PUDP: variants seen among roughly 807,000 people sequenced by gnomAD.
The protein encoded by PUDP is pseudouridine 5'-phosphatase, also known as pseudouridine-5'-phosphatase.
In PUDP, 8 loss-of-function variants were observed where a neutral mutation model predicts 9.4. The observed-to-expected ratio is 0.85, with a 90% CI of 0.50 to 1.53. The LOEUF is 1.53. Ranked by LOEUF, PUDP falls within the 40% of genes most tolerant of loss-of-function variation. The probability of loss-of-function intolerance (pLI) is 0.00; values close to 1 mark genes in which losing one functional copy is unlikely to be tolerated. For missense variants in PUDP, 188 were observed against 189.7 expected (o/e 0.99, Z 0.05); for synonymous variants, 99 against 80.7 (o/e 1.23, Z -1.22).
At chrX:7,007,599 C>T (rs1321807933) in intron 1 of PUDP, among the ~76,000 whole-genome samples, 2 of 112,464 alleles carry the variant, frequency 1.8e-5, no homozygotes, top group African/African-American at 6.5e-5. Context: ...TCTGAAGATG[C>T]CACTTTGCTA....
Position 6,890,688 on chromosome X carries a change from T to A in PUDP, c.*247+86445A>T, listed in dbSNP as rs946559738. Among the ~76,000 whole-genome samples the A allele has an allele frequency of 2.7e-5, 3 of 110,584 alleles. No homozygotes were observed. In the Admixed American group the frequency reaches 2.9e-4, roughly 11 times the overall value. On this transcript the variant is annotated intron_variant and NMD_transcript_variant, in intron 3 of 3. Transcript: ENST00000655425. Reference sequence around the variant, plus strand: ...GTTCCCATGTTCAAGAAGGCTGGGATGTGCTGTATAGCGAAAATACATGTT... The same window carrying A: ...GTTCCCATGTTCAAGAAGGCTGGGAAGTGCTGTATAGCGAAAATACATGTT...
chrX:6,941,341 C>CTTTT (rs761887998), intron 3 of PUDP, among the ~76,000 whole-genome samples: 14 of 78,646 alleles, frequency 1.8e-4, no homozygotes, highest in Non-Finnish European at 2.4e-4. Context: ...TCTTTTCTGT[C>CTTTT]TTTTTTTTTT....
chrX:7,116,200 G>C (rs1932188975), intron 1 of PUDP, among the ~76,000 whole-genome samples: 1 of 111,785 alleles, frequency 8.9e-6, no homozygotes, highest in Admixed American at 9.4e-5. Context: ...CTTCAGGTGG[G>C]CCCTGACTGG....
chrX:7,142,407 CTAGAAT>C (rs754675193), intron 1 of PUDP, among the ~76,000 whole-genome samples: 10 of 111,994 alleles, frequency 8.9e-5, no homozygotes, highest in Admixed American at 1.9e-4. Flanking sequence ...ACCAAGAGAA[CTAGAAT>C]TAGAAGTGAA....
intron 3 of PUDP, among the ~76,000 whole-genome samples, chrX:6,908,675 A>C (rs1404000961): frequency 9.1e-6 from 1 of 110,446 alleles, no homozygotes; most frequent in Non-Finnish European, 1.9e-5. Flanking sequence ...CTATCATATA[A>C]AATTGGTTGG....
intron 1 of PUDP, among the ~76,000 whole-genome samples, chrX:7,135,871 C>T (rs1407381616): frequency 2.7e-5 from 3 of 111,219 alleles, no homozygotes; most frequent in Admixed American, 9.6e-5. Flanking sequence ...GCTCTCTGCA[C>T]GTTTCTCCTC....
intron 3 of PUDP, among the ~76,000 whole-genome samples, chrX:6,820,456 T>A (rs1926322555): frequency 9.0e-6 from 1 of 111,602 alleles, no homozygotes; most frequent in Non-Finnish European, 1.9e-5. Flanking sequence ...CAAAGTCTCA[T>A]CTGAGACAAG....
intron 3 of PUDP, among the ~76,000 whole-genome samples, chrX:6,746,139 C>A (rs1305129896): frequency 1.8e-5 from 2 of 112,185 alleles, no homozygotes; most frequent in Non-Finnish European, 3.8e-5. Flanking sequence ...CACATAGCAC[C>A]TCCCTGTGAC....
At chrX:6,741,314 C>T (rs1308690865) in intron 3 of PUDP, among the ~76,000 whole-genome samples, 1 of 111,574 alleles carries the variant, frequency 9.0e-6, no homozygotes, top group Non-Finnish European at 1.9e-5. Flanking sequence ...TTTACATTCC[C>T]ACAATGGATT....
chrX:6,804,559 T>C (rs1926017988), intron 3 of PUDP, among the ~76,000 whole-genome samples: 1 of 112,003 alleles, frequency 8.9e-6, no homozygotes, highest in Admixed American at 9.5e-5. Flanking sequence ...AAGGTCTTGA[T>C]TCTGCATTCT....
chrX:7,106,739 A>C (rs1193433612), intron 1 of PUDP, among the ~76,000 whole-genome samples: 1 of 112,014 alleles, frequency 8.9e-6, no homozygotes, highest in Non-Finnish European at 1.9e-5. Context: ...CTCCTAGAGC[A>C]TGCTTGTTAC....
chrX:7,069,406 C>T (rs1930664013), intron 3 of PUDP, among the ~76,000 whole-genome samples: 1 of 110,784 alleles, frequency 9.0e-6, no homozygotes, highest in East Asian at 2.9e-4. Flanking sequence ...TAAGGCTACT[C>T]GGGCTGGATA....
intron 1 of PUDP, among the ~76,000 whole-genome samples, chrX:6,985,828 G>C (rs1929095791): frequency 9.0e-6 from 1 of 111,649 alleles, no homozygotes; most frequent in Non-Finnish European, 1.9e-5. Flanking sequence ...ATCTTGAATA[G>C]GATCTGGGTA....
intron 3 of PUDP, among the ~76,000 whole-genome samples, chrX:6,737,959 G>T (rs780264086): frequency 9.0e-6 from 1 of 111,576 alleles, no homozygotes; most frequent in East Asian, 2.8e-4. Context: ...AGGTCATGAT[G>T]AGATTAATGA....
chrX:6,912,470 T>C (rs1004748354), intron 3 of PUDP, among the ~76,000 whole-genome samples: 1 of 112,348 alleles, frequency 8.9e-6, no homozygotes, highest in Admixed American at 9.5e-5. Flanking sequence ...TAATTAAATT[T>C]GCCAAGAGGC....
chrX:6,923,689 T>A (rs1248494176), intron 3 of PUDP, among the ~76,000 whole-genome samples: 1 of 111,454 alleles, frequency 9.0e-6, no homozygotes, highest in Admixed American at 9.6e-5. Context: ...AAGTGTCTCC[T>A]GAGTGGTCTC....
intron 3 of PUDP, among the ~76,000 whole-genome samples, chrX:6,777,151 T>C (rs1292957866): frequency 8.9e-6 from 1 of 112,145 alleles, no homozygotes; most frequent in African/African-American, 3.2e-5. Context: ...CCAGGAGAAA[T>C]AGATGCTATA....
At chrX:6,881,977 CTT>C (rs34092299) in intron 3 of PUDP, among the ~76,000 whole-genome samples, 4 of 94,935 alleles carry the variant, frequency 4.2e-5, no homozygotes, top group African/African-American at 7.7e-5. Context: ...TTTTTTTTTA[CTT>C]TTTTTTTTTT....
intron 3 of PUDP, among the ~76,000 whole-genome samples, chrX:6,875,708 C>T (rs1182664004): frequency 9.0e-6 from 1 of 111,629 alleles, no homozygotes; most frequent in Non-Finnish European, 1.9e-5. Context: ...GGTGTTAAGA[C>T]AATGCCTGAT....
Sources: gnomAD v4.1 joint callset for allele counts (sites outside exome capture counted in the v4.1 genomes callset) on GRCh38, gnomAD v4.1.1 for gene constraint, MANE v1.5 for transcripts, NCBI Gene and HGNC (gene_info 2026-07-23, HGNC 2026-07-21) for gene names.